Variants in ITGA9 observed in about 807,000 individuals in gnomAD.
The protein encoded by ITGA9 is integrin alpha-9.
ITGA9 carries 56 observed loss-of-function variants against 127.8 expected under a neutral mutation model. The observed-to-expected ratio is 0.44, with a 90% CI of 0.35 to 0.55. The LOEUF (loss-of-function observed/expected upper bound fraction) is 0.55, where lower values mean the gene tolerates loss of function less well. ITGA9 is among the 20% of genes least tolerant of loss of function. The probability of loss-of-function intolerance (pLI) is 0.00; values close to 1 mark genes in which losing one functional copy is unlikely to be tolerated. For missense variants in ITGA9, 1,196 were observed against 1,347.1 expected (o/e 0.89, Z 1.76); for synonymous variants, 508 against 514.5 (o/e 0.99, Z 0.17).
chr3:37,647,244 C>T (rs1198629413), intron 16 of ITGA9, among the ~76,000 whole-genome samples: 7 of 152,052 alleles, frequency 4.6e-5, no homozygotes, highest in African/African-American at 7.2e-5. Context: ...TTAGGGAAGG[C>T]CATTAGGTTG....
At chr3:37,511,398 G>C (rs958723149) in intron 8 of ITGA9, among the ~76,000 whole-genome samples, 1 of 152,170 alleles carries the variant, frequency 6.6e-6, no homozygotes, top group African/African-American at 2.4e-5. Flanking sequence ...TTGAATTAAC[G>C]GAGTATGTGA....
Position 37,452,476 on chromosome 3 carries a change from G to C in ITGA9, c.102G>C (p.Pro34=), listed in dbSNP as rs1294221880. The change falls in exon 1 of 28, where the codon CCG becomes CCC. Residue 34 remains proline (P), a synonymous_variant. Transcript: ENST00000264741. The surrounding 1 kb of genome is among the most constrained non-coding windows in gnomAD (Gnocchi z 7.3). Reference sequence around the variant, plus strand: ...CCGCGGGCGCCTACAACCTCGACCCGCAGCGCCCCGTGCACTTCCAGGGCC... The same window carrying C: ...CCGCGGGCGCCTACAACCTCGACCCCCAGCGCCCCGTGCACTTCCAGGGCC... ...GIPAGAYNLD[P]QRPVHFQGPA... The C allele has an allele frequency of 7.3e-6, 11 of 1,507,214 alleles. No homozygotes were observed. The highest frequency in any genetic ancestry group is 2.1e-5 in the Admixed American group (1 of 46,754). 93.4% of individuals were successfully genotyped at this position (1,507,214 alleles called of 1,614,324 possible). A position where few individuals can be genotyped will look rare whatever the true frequency, so the allele number is the denominator to read the frequency against.
chr3:37,662,961 G>A (rs1434460265), intron 17 of ITGA9, among the ~76,000 whole-genome samples: 1 of 152,178 alleles, frequency 6.6e-6, no homozygotes, highest in Non-Finnish European at 1.5e-5. Flanking sequence ...CAAGCCATAG[G>A]AAATGCTGTC....
intron 17 of ITGA9, among the ~76,000 whole-genome samples, chr3:37,680,315 G>A (rs112503285): frequency 3.0e-4 from 45 of 152,244 alleles, no homozygotes; most frequent in African/African-American, 1.0e-3. Flanking sequence ...TGCTGTTTTA[G>A]TCAAAGACTT....
chr3:37,728,371 T>TTTTTAAATTGAATC (rs1696243430), intron 18 of ITGA9, among the ~76,000 whole-genome samples: 1 of 152,232 alleles, frequency 6.6e-6, no homozygotes. Context: ...TTAATTGAAT[T>TTTTTAAATTGAATC]GATTTTTTAA....
chr3:37,573,534 A>C (rs1425940732), intron 15 of ITGA9, among the ~76,000 whole-genome samples: 2 of 152,100 alleles, frequency 1.3e-5, no homozygotes, highest in African/African-American at 4.8e-5. Flanking sequence ...CCACAGGTGC[A>C]TGGTTAGGAC....
intron 4 of ITGA9, among the ~76,000 whole-genome samples, chr3:37,482,693 G>A (rs57902139): frequency 0.25 from 37,771 of 151,996 alleles, 4,838 homozygotes; most frequent in East Asian, 0.44. Flanking sequence ...GTACTGAGGT[G>A]ACACAGGTAG....
chr3:37,460,217 C>T (rs1698301764), intron 1 of ITGA9, among the ~76,000 whole-genome samples: 1 of 152,130 alleles, frequency 6.6e-6, no homozygotes, highest in African/African-American at 2.4e-5. Flanking sequence ...GGGTTTGTAA[C>T]TTTATTAAAG....
chr3:37,706,843 G>GCATCA (rs1157183554), intron 18 of ITGA9, among the ~76,000 whole-genome samples: 1 of 152,176 alleles, frequency 6.6e-6, no homozygotes, highest in African/African-American at 2.4e-5. Flanking sequence ...TTGAGCAAAA[G>GCATCA]CATCAGTAGC....
intron 15 of ITGA9, among the ~76,000 whole-genome samples, chr3:37,544,509 A>C (rs749677792): frequency 1.3e-5 from 2 of 152,194 alleles, no homozygotes; most frequent in African/African-American, 2.4e-5. Context: ...TCCTGTTGGC[A>C]GATTCAACTC....
intron 8 of ITGA9, among the ~76,000 whole-genome samples, chr3:37,511,584 T>C (rs1698905441): frequency 6.6e-6 from 1 of 152,264 alleles, no homozygotes; most frequent in Admixed American, 6.5e-5. Context: ...TGTGTCTTAC[T>C]GATTTCTTTT....
chr3:37,716,286 T>C (rs886187175), intron 18 of ITGA9, among the ~76,000 whole-genome samples: 1 of 152,136 alleles, frequency 6.6e-6, no homozygotes, highest in Non-Finnish European at 1.5e-5. Flanking sequence ...CTCCATGATG[T>C]GGGATTTACA....
At chr3:37,642,517 T>C (rs1700343390) in intron 16 of ITGA9, among the ~76,000 whole-genome samples, 1 of 152,246 alleles carries the variant, frequency 6.6e-6, no homozygotes, top group Non-Finnish European at 1.5e-5. Flanking sequence ...CACTAGCAGA[T>C]TCAGCAGAGC....
At chr3:37,561,277 T>A (rs961184994) in intron 15 of ITGA9, among the ~76,000 whole-genome samples, 4 of 152,210 alleles carry the variant, frequency 2.6e-5, no homozygotes, top group African/African-American at 9.6e-5. Context: ...GTACTAGGGC[T>A]TTGAAGTCTG....
chr3:37,472,514 T>G (rs1318936749), intron 2 of ITGA9, among the ~76,000 whole-genome samples: 2 of 152,126 alleles, frequency 1.3e-5, no homozygotes, highest in East Asian at 3.9e-4. Context: ...TTCTCCTGCC[T>G]CAGCCTCCCG....
intron 27 of ITGA9, among the ~76,000 whole-genome samples, chr3:37,809,057 C>T (rs1023107844): frequency 5.3e-5 from 8 of 151,442 alleles, no homozygotes; most frequent in African/African-American, 1.9e-4. Context: ...CTGTCACATA[C>T]ATGATGTTCG....
chr3:37,766,129 G>T (rs1487679310), intron 23 of ITGA9, among the ~76,000 whole-genome samples: 1 of 152,248 alleles, frequency 6.6e-6, no homozygotes, highest in East Asian at 1.9e-4. Flanking sequence ...GGGCTCATCG[G>T]CCATTGCCGA....
At chr3:37,568,942 A>AT (rs1224923827) in intron 15 of ITGA9, among the ~76,000 whole-genome samples, 1 of 152,156 alleles carries the variant, frequency 6.6e-6, no homozygotes, top group Admixed American at 6.6e-5. Flanking sequence ...ACATTTTCAG[A>AT]TATCTTCACA....
At chr3:37,575,211 C>A (rs1699641766) in intron 15 of ITGA9, among the ~76,000 whole-genome samples, 1 of 152,110 alleles carries the variant, frequency 6.6e-6, no homozygotes. Flanking sequence ...GTAGCAGATT[C>A]TAGATTGTCC....
Sources: allele counts gnomAD v4.1 joint callset (sites outside exome capture counted in the v4.1 genomes callset), GRCh38; gene constraint gnomAD v4.1.1; non-coding constraint Gnocchi (gnomAD v3.1); transcripts MANE v1.5; gene names NCBI Gene and HGNC (gene_info 2026-07-23, HGNC 2026-07-21).